Variants in CALM2 observed in about 807,000 individuals in gnomAD.
The protein encoded by CALM2 is calmodulin-2.
A neutral mutation model predicts 19.8 loss-of-function variants in CALM2; 2 were observed. The observed-to-expected ratio is 0.10, with a 90% CI of 0.04 to 0.32. The LOEUF (loss-of-function observed/expected upper bound fraction) is 0.32, where lower values mean the gene tolerates loss of function less well. Among genes scored for constraint, CALM2 ranks in the 10% least tolerant of loss-of-function variants. The pLI, the probability that CALM2 is intolerant of heterozygous loss-of-function variation, is 1.00. For missense variants in CALM2, 38 were observed against 178.7 expected, an observed-to-expected ratio of 0.21 and a Z score of 4.49; for synonymous variants, 51 against 52.1, an observed-to-expected ratio of 0.98 and a Z score of 0.09.
rs56839340 is a variant in CALM2 at position 47,162,171 on chromosome 2, C to CAAAAA, written c.285+110_285+114dup. The CAAAAA allele has an allele frequency of 4.3e-3, 561 of 129,952 alleles. 3 individuals carry two copies. The highest frequency in any genetic ancestry group is 6.2e-3 in the African/African-American group (101 of 16,234). 8.0% of individuals were successfully genotyped at this position (129,952 alleles called of 1,614,324 possible). ...TAATTAAAATATGTTGGTAAATCAT[C>CAAAAA]AAAAAAAAAAAAAAAAAAAAAAAAA... On this transcript the variant is annotated intron_variant, in intron 4 of 5. Coordinates refer to ENST00000272298, the MANE Select transcript of CALM2 (RefSeq NM_001743.6).
intron 2 of CALM2, chr2:47,167,709 AAAAAAAAAAAAAAAAAAAAT>A (rs1205767515): frequency 1.4e-4 from 19 of 137,330 alleles, no homozygotes; most frequent in African/African-American, 6.0e-4. Context: ...AAAAAAAAAA[AAAAAAAAAAAAAAAAAAAAT>A]TTAGTAACTT....
chr2:47,176,343 T>C, intron 1 of CALM2, 98 bp downstream of exon 1: 1 of 1,460,532 alleles, frequency 6.8e-7, no homozygotes, highest in Non-Finnish European at 9.4e-7. Flanking sequence ...AAACCACTCC[T>C]TGAAGGTGTA....
At chr2:47,164,723 C>T (rs1462287883) in intron 2 of CALM2, among the ~76,000 whole-genome samples, 2 of 152,194 alleles carry the variant, frequency 1.3e-5, no homozygotes, top group Non-Finnish European at 2.9e-5. Flanking sequence ...TAGACCCTAT[C>T]AGCAAATGAA....
In CALM2 at chr2:47,160,261, A is replaced by G. The variant is rs1292066912; in HGVS notation, c.*515T>C. On this transcript the variant is annotated 3_prime_UTR_variant, in exon 6 of 6. Transcript: ENST00000272298. ...ATAAGCAGATTTTAAGTGGCTAAAC[A>G]AAGTTTAAAAAGCAAGTAACAATAA... 1.3e-5 allele frequency: 2 copies of G among 152,736 alleles called. No homozygotes were observed. Among genetic ancestry groups the G allele is most frequent in the African/African-American group, 4.8e-5 (2 of 41,474 alleles). 9.5% of individuals were successfully genotyped at this position (152,736 alleles called of 1,614,324 possible). A position where few individuals can be genotyped will look rare whatever the true frequency, so the allele number is the denominator to read the frequency against.
chr2:47,172,520 A>G (rs1475257278), intron 1 of CALM2: 4 of 1,197,898 alleles, frequency 3.3e-6, no homozygotes, highest in East Asian at 5.8e-5. Context: ...ACAATGTTAA[A>G]TATCAACCTG....
intron 1 of CALM2, chr2:47,174,105 T>C (rs1457705734): frequency 6.6e-6 from 1 of 152,214 alleles, no homozygotes; most frequent in Non-Finnish European, 1.5e-5. Flanking sequence ...TTTACATCTT[T>C]TACTTACCTA....
At chr2:47,165,001 G>C (rs1666416808) in intron 2 of CALM2, among the ~76,000 whole-genome samples, 1 of 152,050 alleles carries the variant, frequency 6.6e-6, no homozygotes, top group Admixed American at 6.6e-5. Context: ...AAACTAAATT[G>C]AAACCTTAGT....
intron 1 of CALM2, chr2:47,173,486 G>A (rs1021508185): frequency 6.6e-6 from 1 of 152,196 alleles, no homozygotes; most frequent in African/African-American, 2.4e-5. Context: ...TCCTGTACTA[G>A]AATGTTCATT....
intron 2 of CALM2, 170 bp from the exon 3 acceptor site, chr2:47,162,832 A>C (rs1356189506): frequency 3.8e-6 from 2 of 529,446 alleles, no homozygotes; most frequent in Non-Finnish European, 6.7e-6. Flanking sequence ...AAAAACCCAA[A>C]AACTTTTAAC....
upstream of CALM2, chr2:47,176,524 C>G: frequency 6.3e-7 from 1 of 1,590,772 alleles, no homozygotes; most frequent in Non-Finnish European, 8.6e-7. Flanking sequence ...TTCGCCTCCT[C>G]CGCCCCCAGC....
At position 47,163,017 on chromosome 2, in the gene CALM2, T is replaced by C. The variant is rs564228051; in HGVS notation, c.35-355A>G. 311 of 166,580 alleles carry C rather than the reference T, an allele frequency of 1.9e-3. 1 individual carries two copies. The highest frequency in any genetic ancestry group is 3.8e-3 in the Admixed American group (64 of 16,968). 10.3% of individuals were successfully genotyped at this position (166,580 alleles called of 1,614,324 possible). ...AGGTTTACAGAGGAAAAGAACCAAATCCCCAAATGACTGGCTCCTCTGTCA... is the reference window on the plus strand; with the variant it reads ...AGGTTTACAGAGGAAAAGAACCAAACCCCCAAATGACTGGCTCCTCTGTCA... On this transcript the variant is annotated intron_variant, in intron 2 of 5. Coordinates refer to ENST00000272298, the MANE Select transcript of CALM2 (RefSeq NM_001743.6).
intron 2 of CALM2, among the ~76,000 whole-genome samples, chr2:47,166,454 A>T (rs1175920900): frequency 1.3e-5 from 2 of 152,248 alleles, no homozygotes; most frequent in African/African-American, 4.8e-5. Context: ...ATAACTTTCG[A>T]GAAATTTAAA....
chr2:47,161,899 A>G (rs1194898451), intron 4 of CALM2, 41 bp from the exon 5 acceptor site: 1 of 1,538,084 alleles, frequency 6.5e-7, no homozygotes. Context: ...CAAATTACAG[A>G]CTTGAGAGTT....
chr2:47,176,790 G>A (rs774665213), upstream of CALM2: 5 of 985,440 alleles, frequency 5.1e-6, no homozygotes, highest in Non-Finnish European at 4.8e-6. Flanking sequence ...GAGGAGCATC[G>A]TGGCGGCGAT....
intron 1 of CALM2, chr2:47,171,529 T>TA (rs1180628762): frequency 6.6e-6 from 1 of 152,266 alleles, no homozygotes; most frequent in African/African-American, 2.4e-5. Context: ...AGAACAAAGA[T>TA]AAAGCACTAA....
At chr2:47,166,317 T>C (rs751054604) in intron 2 of CALM2, among the ~76,000 whole-genome samples, 1 of 152,236 alleles carries the variant, frequency 6.6e-6, no homozygotes, top group Non-Finnish European at 1.5e-5. Context: ...CATTCTCTGC[T>C]ATGGGTATCT....
intron 1 of CALM2, among the ~76,000 whole-genome samples, chr2:47,176,083 G>A (rs959774788): frequency 1.3e-5 from 2 of 152,118 alleles, no homozygotes; most frequent in Non-Finnish European, 2.9e-5. Flanking sequence ...CCAGACGCCC[G>A]ACAGAAGGCT....
intron 5 of CALM2, among the ~76,000 whole-genome samples, chr2:47,161,479 A>G (rs772732309): frequency 1.8e-4 from 28 of 152,248 alleles, no homozygotes; most frequent in Non-Finnish European, 3.5e-4. Flanking sequence ...ATCCTATTAA[A>G]ATGCTGATTC....
chr2:47,167,311 A>T (rs1666506895), intron 2 of CALM2, among the ~76,000 whole-genome samples: 1 of 152,236 alleles, frequency 6.6e-6, no homozygotes, highest in African/African-American at 2.4e-5. Flanking sequence ...AAACAGCAAC[A>T]ACTAATGACA....
Sources: gnomAD v4.1 joint callset for allele counts (sites outside exome capture counted in the v4.1 genomes callset) on GRCh38, gnomAD v4.1.1 for gene constraint, MANE v1.5 for transcripts, NCBI Gene and HGNC (gene_info 2026-07-23, HGNC 2026-07-21) for gene names.